Variants in FCHSD2 observed in about 807,000 individuals in gnomAD.
The protein encoded by FCHSD2 is FCH and double SH3 domains 2.
A neutral mutation model predicts 108.1 loss-of-function variants in FCHSD2; 38 were observed. That is an observed-to-expected ratio of 0.35 (90% CI 0.27 to 0.46). The LOEUF (loss-of-function observed/expected upper bound fraction) is 0.46. Ranked by LOEUF, FCHSD2 falls within the 20% of genes least tolerant of loss-of-function variation. FCHSD2 has a pLI of 1.00. For missense variants in FCHSD2, 751 were observed against 897.8 expected, an observed-to-expected ratio of 0.84 and a Z score of 2.09; for synonymous variants, 279 against 314.7, an observed-to-expected ratio of 0.89 and a Z score of 1.20.
At chr11:72,918,518 C>T (rs1855919430) in intron 9 of FCHSD2, among the ~76,000 whole-genome samples, 1 of 152,076 alleles carries the variant, frequency 6.6e-6, no homozygotes, top group Non-Finnish European at 1.5e-5. Context: ...TTGGTTGATG[C>T]TATCATGTTA....
At chr11:72,866,452 T>C (rs1005069450) in intron 13 of FCHSD2, among the ~76,000 whole-genome samples, 2 of 152,108 alleles carry the variant, frequency 1.3e-5, no homozygotes, top group Non-Finnish European at 2.9e-5. Context: ...GTATTTTTAG[T>C]AGAGACAGCG....
intron 2 of FCHSD2, among the ~76,000 whole-genome samples, chr11:73,116,828 C>T (rs985916338): frequency 7.9e-5 from 12 of 152,262 alleles, no homozygotes; most frequent in Admixed American, 2.0e-4. Flanking sequence ...TGAGCCACAG[C>T]GCCTGGCCCA....
At chr11:73,136,670 G>A (rs1373945448) in intron 2 of FCHSD2, among the ~76,000 whole-genome samples, 1 of 152,196 alleles carries the variant, frequency 6.6e-6, no homozygotes, top group African/African-American at 2.4e-5. Context: ...GGGCACTGGT[G>A]AGAAGGAGCA....
intron 2 of FCHSD2, among the ~76,000 whole-genome samples, chr11:73,132,012 A>T (rs1382886973): frequency 3.3e-5 from 5 of 152,330 alleles, no homozygotes; most frequent in Admixed American, 6.5e-5. Context: ...CCTCCATGCT[A>T]TCAAAAGCCC....
chr11:72,898,030 C>A (rs1855456474), intron 10 of FCHSD2, among the ~76,000 whole-genome samples: 1 of 152,040 alleles, frequency 6.6e-6, no homozygotes, highest in Non-Finnish European at 1.5e-5. Context: ...CAGTATTAAC[C>A]ATGAGACAGC....
At chr11:72,924,655 C>T in intron 8 of FCHSD2, among the ~76,000 whole-genome samples, 1 of 149,412 alleles carries the variant, frequency 6.7e-6, no homozygotes, top group Non-Finnish European at 1.5e-5. Context: ...TCCATTGTAT[C>T]TTATGTTTGG....
At chr11:72,972,672 A>T (rs1028500691) in intron 8 of FCHSD2, among the ~76,000 whole-genome samples, 1 of 152,232 alleles carries the variant, frequency 6.6e-6, no homozygotes, top group Admixed American at 6.5e-5. Flanking sequence ...TATCTTTCTG[A>T]GTCACAGGGA....
chr11:73,091,600 A>G (rs1859960294), intron 2 of FCHSD2, among the ~76,000 whole-genome samples: 1 of 152,152 alleles, frequency 6.6e-6, no homozygotes, highest in Non-Finnish European at 1.5e-5. Flanking sequence ...ACAGAATTAT[A>G]GAATGTCAAA....
At chr11:72,918,406 C>T (rs1029867633) in intron 9 of FCHSD2, among the ~76,000 whole-genome samples, 8 of 151,992 alleles carry the variant, frequency 5.3e-5, no homozygotes, top group Non-Finnish European at 1.0e-4. Context: ...CTGTCTAGGA[C>T]TTCCAGTACA....
chr11:73,100,229 C>G (rs1425778192), intron 2 of FCHSD2, among the ~76,000 whole-genome samples: 2 of 152,196 alleles, frequency 1.3e-5, no homozygotes, highest in East Asian at 3.8e-4. Flanking sequence ...GACCATTCCT[C>G]TTCGCGTCCC....
At chr11:73,111,660 C>G (rs946963331) in intron 2 of FCHSD2, among the ~76,000 whole-genome samples, 1 of 151,784 alleles carries the variant, frequency 6.6e-6, no homozygotes, top group African/African-American at 2.4e-5. Context: ...GTGTGGTCAT[C>G]TCTTCCTTCT....
At chr11:73,108,562 T>G (rs1417874406) in intron 2 of FCHSD2, among the ~76,000 whole-genome samples, 1 of 146,768 alleles carries the variant, frequency 6.8e-6, no homozygotes, top group Non-Finnish European at 1.5e-5. Context: ...TTTTTTTTTT[T>G]GTTTGTTTTT....
chr11:72,945,942 T>A (rs1856510616), intron 8 of FCHSD2, among the ~76,000 whole-genome samples: 1 of 152,202 alleles, frequency 6.6e-6, no homozygotes. Context: ...TTTTACACTG[T>A]TGGTGGGACT....
At chr11:72,910,363 C>T (rs541347220) in intron 9 of FCHSD2, among the ~76,000 whole-genome samples, 4 of 152,042 alleles carry the variant, frequency 2.6e-5, no homozygotes, top group African/African-American at 7.3e-5. Context: ...GCCATGATGA[C>T]GATGGCGGTT....
At chr11:73,073,941 A>G (rs1022427826) in intron 3 of FCHSD2, among the ~76,000 whole-genome samples, 1 of 152,208 alleles carries the variant, frequency 6.6e-6, no homozygotes, top group African/African-American at 2.4e-5. Context: ...TCCAATCAAA[A>G]TATCAGGCAG....
intron 8 of FCHSD2, among the ~76,000 whole-genome samples, chr11:72,931,939 G>A (rs1856201912): frequency 6.6e-6 from 1 of 152,158 alleles, no homozygotes; most frequent in African/African-American, 2.4e-5. Flanking sequence ...ATTTTTATCA[G>A]ACTGACTTAT....
chr11:73,097,662 T>A (rs567285006), intron 2 of FCHSD2, among the ~76,000 whole-genome samples: 1 of 151,434 alleles, frequency 6.6e-6, no homozygotes, highest in African/African-American at 2.4e-5. Context: ...CCTTCACTTG[T>A]TATTGAGAAT....
chr11:73,003,327 A>G (rs1857664791), intron 4 of FCHSD2, among the ~76,000 whole-genome samples: 1 of 152,238 alleles, frequency 6.6e-6, no homozygotes, highest in Admixed American at 6.5e-5. Context: ...TGCAAATGAT[A>G]TGAAAATTCA....
rs1860941116 is a variant in FCHSD2, at chr11:72,841,466, G to A, written c.2044C>T (p.Pro682Ser). Residue 682 changes from proline to serine, a missense_variant, in exon 18 of 20, where the codon CCT (proline) becomes TCT (serine). By Grantham distance (74) the Pro-to-Ser change is moderately conservative (BLOSUM62 -1). Coordinates refer to ENST00000409418, the MANE Select transcript of FCHSD2 (RefSeq NM_014824.3). ...KRSSLYFPRSPSANEKSLHAE... is the reference protein window; with the variant it reads ...KRSSLYFPRSSSANEKSLHAE... ...GGAGAACCCTTACCGTTTGCTGAAG[G>A]AGACCGGGGAAAGTACAGGGAGCTC... The A allele has an allele frequency of 1.2e-6, 2 of 1,610,904 alleles. No individual in the cohort carries two copies. The highest frequency in any genetic ancestry group is 2.7e-5 in the African/African-American group (2 of 74,788).
Sources: gnomAD v4.1 joint callset for allele counts (sites outside exome capture counted in the v4.1 genomes callset) on GRCh38, gnomAD v4.1.1 for gene constraint, MANE v1.5 for transcripts, NCBI Gene and HGNC (gene_info 2026-07-23, HGNC 2026-07-21) for gene names.